Variants in NAV2 observed in about 807,000 individuals in gnomAD.
The protein encoded by NAV2 is neuron navigator 2.
Under a neutral mutation model 223.2 loss-of-function variants are expected in NAV2, and 54 were observed. The observed-to-expected ratio is 0.24, with a 90% CI of 0.19 to 0.30. The LOEUF (loss-of-function observed/expected upper bound fraction) is 0.30. NAV2 is among the 10% of genes least tolerant of loss of function. The pLI, the probability that NAV2 is intolerant of heterozygous loss-of-function variation, is 1.00. For synonymous variants in NAV2, 1,279 were observed against 1,239.3 expected (o/e 1.03, Z -0.67); for missense variants, 2,806 against 3,147.5 (o/e 0.89, Z 2.60).
In NAV2 at chr11:19,456,187, A is replaced by G. The variant is rs76352913; in HGVS notation, c.75+105160A>G. ...CCCCTGATTTACCAATGGAAAGAGG[A>G]AAGTAAAAGAGCGTGCATTTAAAGG... On this transcript the variant is annotated intron_variant, in intron 1 of 37. Transcript: ENST00000360655. Among the ~76,000 whole-genome samples the G allele has an allele frequency of 8.4e-3, 1,277 of 152,310 alleles. 20 individuals are homozygous for G. The highest frequency in any genetic ancestry group is 0.029 in the African/African-American group (1,212 of 41,556).
chr11:19,392,663 T>C (rs1432103742), intron 1 of NAV2, among the ~76,000 whole-genome samples: 1 of 152,150 alleles, frequency 6.6e-6, no homozygotes, highest in Non-Finnish European at 1.5e-5. Context: ...TTCTGTTCAT[T>C]GGGAGTGAGT....
At chr11:19,354,463 A>G (rs1853500714) in intron 1 of NAV2, among the ~76,000 whole-genome samples, 1 of 152,262 alleles carries the variant, frequency 6.6e-6, no homozygotes, top group African/African-American at 2.4e-5. Flanking sequence ...AGAGCCAACA[A>G]CAGGCAAATA....
At chr11:19,357,382 T>A (rs1853679632) in intron 1 of NAV2, among the ~76,000 whole-genome samples, 1 of 152,230 alleles carries the variant, frequency 6.6e-6, no homozygotes. Flanking sequence ...ATTAAGGGGA[T>A]AATTTATTTA....
chr11:19,628,320 A>G (rs905381848), intron 1 of NAV2, among the ~76,000 whole-genome samples: 2 of 152,208 alleles, frequency 1.3e-5, no homozygotes, highest in Non-Finnish European at 2.9e-5. Flanking sequence ...ACCCAGGAAC[A>G]TCCACTCCCG....
chr11:19,351,992 TG>T (rs1853354364), intron 1 of NAV2, among the ~76,000 whole-genome samples: 1 of 151,732 alleles, frequency 6.6e-6, no homozygotes, highest in African/African-American at 2.4e-5. Flanking sequence ...TGTGTGTGTG[TG>T]TGTGTGTGTG....
intron 1 of NAV2, among the ~76,000 whole-genome samples, chr11:19,636,326 T>C (rs1218046507): frequency 6.6e-6 from 1 of 152,132 alleles, no homozygotes; most frequent in Non-Finnish European, 1.5e-5. Flanking sequence ...GGTCTGTAGC[T>C]GACTATACTC....
Position 19,451,018 on chromosome 11 carries a change from G to GC in NAV2, c.75+99993dup, listed in dbSNP as rs1453965000. On this transcript the variant is annotated intron_variant, in intron 1 of 37. Transcript: ENST00000360655. ...AACTTGGAAGCTTCTGATCAGAGTG[G>GC]CCACTTAGTAAATCACCACCCAGTA... 3.3e-5 allele frequency among the ~76,000 whole-genome samples: 5 copies of GC among 152,082 alleles called. No individual in the cohort carries two copies. The East Asian group carries it at 9.6e-4, about 29-fold the overall frequency.
intron 11 of NAV2, among the ~76,000 whole-genome samples, chr11:20,018,353 CAAAAAAAAAA>C (rs34251713): frequency 4.5e-5 from 4 of 87,998 alleles, no homozygotes; most frequent in Admixed American, 3.0e-4. Context: ...GATTCCATCT[CAAAAAAAAAA>C]AAAAAAAAAA....
At chr11:19,375,314 A>T (rs1177163875) in intron 1 of NAV2, among the ~76,000 whole-genome samples, 2 of 152,194 alleles carry the variant, frequency 1.3e-5, no homozygotes, top group Non-Finnish European at 2.9e-5. Flanking sequence ...GACACTCATA[A>T]GCAGGTGTGT....
chr11:19,417,776 A>C (rs1482497950), intron 1 of NAV2, among the ~76,000 whole-genome samples: 1 of 152,240 alleles, frequency 6.6e-6, no homozygotes, highest in Admixed American at 6.5e-5. Flanking sequence ...TAAATAATGG[A>C]ACACTATGCA....
chr11:20,020,879 C>T (rs531097005), intron 11 of NAV2, among the ~76,000 whole-genome samples: 2 of 152,174 alleles, frequency 1.3e-5, no homozygotes, highest in African/African-American at 2.4e-5. Context: ...CTCCTCACCC[C>T]ACTTTGGTTC....
At chr11:19,632,156 C>T (rs1328418884) in intron 1 of NAV2, among the ~76,000 whole-genome samples, 1 of 152,190 alleles carries the variant, frequency 6.6e-6, no homozygotes, top group Non-Finnish European at 1.5e-5. Flanking sequence ...GGATTTCCTG[C>T]CTGGCACAGG....
intron 1 of NAV2, among the ~76,000 whole-genome samples, chr11:19,565,664 A>T (rs1030249068): frequency 2.8e-4 from 42 of 152,154 alleles, no homozygotes; most frequent in Non-Finnish European, 4.4e-5. Flanking sequence ...TTTTTTCCAC[A>T]GAAATTAATG....
rs573316806 is a variant in NAV2, at chr11:19,997,211, C to T, written c.2768+12964C>T. On this transcript the variant is annotated intron_variant, in intron 11 of 37. Transcript: ENST00000349880. ...ACCTCCTATGGGGTGCAAAGTTTGA[C>T]ACTAGAAGGTGAGTGCAGGGACGAC... is the stretch of plus-strand genomic sequence containing the variant. Among the ~76,000 whole-genome samples the T allele has an allele frequency of 1.3e-4, 20 of 152,256 alleles. No homozygotes were observed. The South Asian group carries it at 3.5e-3, about 27-fold the overall frequency.
intron 1 of NAV2, among the ~76,000 whole-genome samples, chr11:19,761,245 T>C (rs1895728): frequency 0.059 from 8,957 of 152,280 alleles, 386 homozygotes; most frequent in Non-Finnish European, 0.088. Context: ...ACCTACCATG[T>C]ACCAGGCACT....
At chr11:19,843,760 A>T (rs2060633652) in intron 3 of NAV2, among the ~76,000 whole-genome samples, 1 of 16,310 alleles carries the variant, frequency 6.1e-5, no homozygotes, top group African/African-American at 2.1e-4. Flanking sequence ...CAGAAATCTA[A>T]AAAAAAAAAA....
At chr11:19,946,216 C>T (rs931271994) in intron 8 of NAV2, among the ~76,000 whole-genome samples, 185 bp from the exon 9 acceptor site, 3 of 152,222 alleles carry the variant, frequency 2.0e-5, no homozygotes, top group Non-Finnish European at 4.4e-5. Flanking sequence ...GGACTTCACA[C>T]TTCCTTTGGG....
At chr11:19,768,944 G>T (rs563379085) in intron 1 of NAV2, among the ~76,000 whole-genome samples, 1 of 152,224 alleles carries the variant, frequency 6.6e-6, no homozygotes, top group African/African-American at 2.4e-5. Context: ...CTATGAGGAG[G>T]GTATTTGGAT....
Position 19,859,748 on chromosome 11 carries a change from G to A in NAV2, c.439-9177G>A, listed in dbSNP as rs1444484778. Reference sequence around the variant, plus strand: ...AGAGGCGCCCCTCACCTCCCGGACCGGGCGGCTGGCCGGGTGGGGGGCTGA... The same window carrying A: ...AGAGGCGCCCCTCACCTCCCGGACCAGGCGGCTGGCCGGGTGGGGGGCTGA... On this transcript the variant is annotated intron_variant, in intron 3 of 37. Coordinates refer to ENST00000349880, the MANE Select transcript of NAV2 (RefSeq NM_145117.5). 4.6e-5 allele frequency among the ~76,000 whole-genome samples: 7 copies of A among 151,180 alleles called. No homozygotes were observed. The South Asian group carries it at 6.3e-4, about 14-fold the overall frequency.
Sources: allele counts gnomAD v4.1 joint callset (sites outside exome capture counted in the v4.1 genomes callset), GRCh38; gene constraint gnomAD v4.1.1; transcripts MANE v1.5; gene names NCBI Gene and HGNC (gene_info 2026-07-23, HGNC 2026-07-21).